Variants in PARD3 observed in about 807,000 individuals in gnomAD.
The protein encoded by PARD3 is par-3 family cell polarity regulator, also known as partitioning defective 3 homolog.
A neutral mutation model predicts 155.4 loss-of-function variants in PARD3; 75 were observed. The observed-to-expected ratio is 0.48, with a 90% CI of 0.40 to 0.58. The LOEUF (loss-of-function observed/expected upper bound fraction) is 0.58, where lower values mean the gene tolerates loss of function less well. PARD3 is among the 20% of genes least tolerant of loss of function. The probability of loss-of-function intolerance (pLI) is 0.00; values close to 1 mark genes in which losing one functional copy is unlikely to be tolerated. For synonymous variants in PARD3, 576 were observed against 610.5 expected (o/e 0.94, Z 0.83); for missense variants, 1,642 against 1,721.7 (o/e 0.95, Z 0.82).
chr10:34,312,900 T>A (rs941892423), intron 20 of PARD3, among the ~76,000 whole-genome samples: 2 of 152,184 alleles, frequency 1.3e-5, no homozygotes, highest in Admixed American at 6.6e-5. Flanking sequence ...TTACACTTAC[T>A]CTAGGGCTCA....
intron 23 of PARD3, among the ~76,000 whole-genome samples, chr10:34,125,071 C>CTTTCTTTTTTT (rs1554790399): frequency 1.9e-4 from 27 of 140,648 alleles, no homozygotes; most frequent in African/African-American, 7.2e-4. Context: ...CTATTTCTTT[C>CTTTCTTTTTTT]TTTTTTTTTT....
rs186412341 is a variant in PARD3 at position 34,479,624 on chromosome 10, G to A, written c.404-9361C>T. Among the ~76,000 whole-genome samples the A allele has an allele frequency of 9.9e-5, 15 of 152,110 alleles. No homozygotes were observed. In the East Asian group the frequency reaches 2.7e-3, roughly 27 times the overall value. ...ATGTTTAGCCCCTACAGCCACTGCC[G>A]GTGCCCTGTAGCCTGTCCACACAGA... is the stretch of plus-strand genomic sequence containing the variant. On this transcript the variant is annotated intron_variant, in intron 3 of 24. Coordinates refer to ENST00000374788, the MANE Select transcript of PARD3 (RefSeq NM_001184785.2).
chr10:34,577,398 C>T (rs560677293), intron 2 of PARD3, among the ~76,000 whole-genome samples: 7 of 152,218 alleles, frequency 4.6e-5, no homozygotes, highest in Non-Finnish European at 7.3e-5. Context: ...ACATTTAAAC[C>T]GACAACATTC....
At chr10:34,418,199 G>A (rs996914831) in intron 5 of PARD3, among the ~76,000 whole-genome samples, 13 of 152,000 alleles carry the variant, frequency 8.6e-5, no homozygotes, top group African/African-American at 2.9e-4. Context: ...TGTTTGAGGC[G>A]TGGTCTTGTT....
chr10:34,318,477 A>G (rs182781474), intron 19 of PARD3, among the ~76,000 whole-genome samples: 1 of 152,276 alleles, frequency 6.6e-6, no homozygotes, highest in Admixed American at 6.5e-5. Flanking sequence ...CTCTTCCCAA[A>G]CTTTTGCAAA....
intron 22 of PARD3, among the ~76,000 whole-genome samples, chr10:34,175,176 T>A (rs75912813): frequency 6.6e-6 from 1 of 152,190 alleles, no homozygotes; most frequent in Admixed American, 6.5e-5. Context: ...AAAGAATCAT[T>A]TGCCTTTATA....
At chr10:34,261,780 G>A (rs199768546) in intron 22 of PARD3, among the ~76,000 whole-genome samples, 12 of 47,650 alleles carry the variant, frequency 2.5e-4, no homozygotes, top group South Asian at 1.8e-3. Flanking sequence ...AAGAAAGAAA[G>A]AAAAGAAAGA....
chr10:34,301,257 A>G (rs1363511308), intron 20 of PARD3, among the ~76,000 whole-genome samples: 1 of 152,214 alleles, frequency 6.6e-6, no homozygotes, highest in Non-Finnish European at 1.5e-5. Context: ...AAATAGGTCC[A>G]GTTGACACCT....
intron 2 of PARD3, among the ~76,000 whole-genome samples, chr10:34,588,051 T>C (rs1429562989): frequency 6.6e-6 from 1 of 152,144 alleles, no homozygotes. Context: ...CCTCCACCCC[T>C]TCCAGGCATG....
intron 2 of PARD3, among the ~76,000 whole-genome samples, chr10:34,616,947 A>T (rs919869457): frequency 1.5e-4 from 23 of 151,594 alleles, no homozygotes; most frequent in East Asian, 3.9e-4. Flanking sequence ...AAAAAAAAAA[A>T]AATAACTAAA....
chr10:34,339,352 G>A (rs923838281), intron 16 of PARD3, among the ~76,000 whole-genome samples: 38 of 151,022 alleles, frequency 2.5e-4, no homozygotes, highest in Non-Finnish European at 1.5e-4. Context: ...GCGAGACTCC[G>A]TCTCAAAAAA....
chr10:34,270,143 T>TC (rs1196338627), intron 21 of PARD3, among the ~76,000 whole-genome samples: 1 of 144,730 alleles, frequency 6.9e-6, no homozygotes, highest in Non-Finnish European at 1.5e-5. Context: ...TTTAAATCTT[T>TC]TTTTTTTTTT....
At position 34,466,693 on chromosome 10, in the gene PARD3, A is replaced by G. The variant is rs114280421; in HGVS notation, c.582+3392T>C. Among the ~76,000 whole-genome samples, 1,418 of 152,256 alleles carry G rather than the reference A, an allele frequency of 9.3e-3. 34 individuals are homozygous for G. The highest frequency in any genetic ancestry group is 0.032 in the African/African-American group (1,344 of 41,508). On this transcript the variant is annotated intron_variant, in intron 4 of 24. Transcript: ENST00000374788. ...TTATAACATCTTAAAGCATGAGACC[A>G]TAGGTAAGCTCTCCTGGGCTTAACA...
At chr10:34,221,017 T>A (rs910781079) in intron 22 of PARD3, among the ~76,000 whole-genome samples, 1 of 152,184 alleles carries the variant, frequency 6.6e-6, no homozygotes, top group Non-Finnish European at 1.5e-5. Context: ...AGCAGTGCCA[T>A]CCCCAATATC....
At chr10:34,362,004 G>A (rs1410757645) in intron 12 of PARD3, among the ~76,000 whole-genome samples, 4 of 152,192 alleles carry the variant, frequency 2.6e-5, no homozygotes, top group South Asian at 2.1e-4. Context: ...CAGGCTGGGC[G>A]TGGTGGCTCA....
At chr10:34,300,777 C>T (rs1313561068) in intron 20 of PARD3, among the ~76,000 whole-genome samples, 1 of 152,130 alleles carries the variant, frequency 6.6e-6, no homozygotes, top group African/African-American at 2.4e-5. Context: ...GCTAATGCCA[C>T]GAAGATCCTT....
intron 21 of PARD3, among the ~76,000 whole-genome samples, chr10:34,271,355 C>A (rs188207062): frequency 1.3e-5 from 2 of 151,914 alleles, no homozygotes; most frequent in African/African-American, 4.8e-5. Context: ...AATTATACAC[C>A]GTGACCAAAT....
At chr10:34,585,333 T>G (rs374624149) in intron 2 of PARD3, among the ~76,000 whole-genome samples, 2 of 152,166 alleles carry the variant, frequency 1.3e-5, no homozygotes, top group African/African-American at 4.8e-5. Context: ...TGTATGATGA[T>G]TACTACTTAA....
intron 22 of PARD3, among the ~76,000 whole-genome samples, chr10:34,235,428 TA>T (rs1029537625): frequency 6.6e-6 from 1 of 152,270 alleles, no homozygotes; most frequent in Non-Finnish European, 1.5e-5. Context: ...TGACTTTTTG[TA>T]TAACCTCATT....
Sources: allele counts gnomAD v4.1 joint callset (sites outside exome capture counted in the v4.1 genomes callset), GRCh38; gene constraint gnomAD v4.1.1; transcripts MANE v1.5; gene names NCBI Gene and HGNC (gene_info 2026-07-23, HGNC 2026-07-21).